FSTL5: variants seen among roughly 807,000 people sequenced by gnomAD.
FSTL5 encodes the protein follistatin like 5, also known as follistatin-related protein 5.
Under a neutral mutation model 89.1 loss-of-function variants are expected in FSTL5, and 62 were observed. The observed-to-expected ratio is 0.70, with a 90% CI of 0.57 to 0.86. The LOEUF (loss-of-function observed/expected upper bound fraction) is 0.86. FSTL5 is among the 40% of genes least tolerant of loss of function. The pLI is 0.00. For missense variants in FSTL5, 1,057 were observed against 1,001.6 expected, an observed-to-expected ratio of 1.06 and a Z score of -0.75; for synonymous variants, 383 against 346.2, an observed-to-expected ratio of 1.11 and a Z score of -1.18.
chr4:161,619,037 A>T (rs1382408463), intron 7 of FSTL5, among the ~76,000 whole-genome samples: 4 of 152,184 alleles, frequency 2.6e-5, no homozygotes, highest in Admixed American at 2.6e-4. Flanking sequence ...ATAACGCTGC[A>T]TATCTACAAC....
intron 4 of FSTL5, among the ~76,000 whole-genome samples, chr4:161,852,525 A>G (rs1731585981): frequency 6.6e-6 from 1 of 152,218 alleles, no homozygotes; most frequent in South Asian, 2.1e-4. Flanking sequence ...AGTGCAAATT[A>G]GTTCAACCAT....
intron 12 of FSTL5, among the ~76,000 whole-genome samples, chr4:161,493,408 G>A (rs1306630537): frequency 6.6e-6 from 1 of 151,242 alleles, no homozygotes; most frequent in African/African-American, 2.4e-5. Flanking sequence ...AGACATAGGG[G>A]GACATGAAGG....
At chr4:161,573,682 G>A (rs1432924877) in intron 8 of FSTL5, among the ~76,000 whole-genome samples, 1 of 125,870 alleles carries the variant, frequency 7.9e-6, no homozygotes, top group African/African-American at 3.0e-5. Flanking sequence ...GTGGTGAGCC[G>A]AGATTGCACC....
At chr4:162,059,161 T>G (rs1738644924) in intron 2 of FSTL5, among the ~76,000 whole-genome samples, 1 of 152,130 alleles carries the variant, frequency 6.6e-6, no homozygotes, top group Admixed American at 6.6e-5. Flanking sequence ...TCAAAATAAG[T>G]TTGAGATAAC....
chr4:161,827,473 A>G (rs1353317237), intron 4 of FSTL5, among the ~76,000 whole-genome samples: 1 of 152,134 alleles, frequency 6.6e-6, no homozygotes, highest in Non-Finnish European at 1.5e-5. Flanking sequence ...CAGATGTGGT[A>G]GCATAGGGAG....
intron 11 of FSTL5, among the ~76,000 whole-genome samples, chr4:161,500,855 G>T (rs551036072): frequency 6.6e-6 from 1 of 152,174 alleles, no homozygotes; most frequent in East Asian, 1.9e-4. Context: ...AATGGGTGCA[G>T]GAGGCTAGTT....
intron 1 of FSTL5, 104 bp from the exon 2 acceptor site, chr4:162,111,516 T>C: frequency 1.1e-6 from 1 of 877,564 alleles, no homozygotes; most frequent in Non-Finnish European, 1.7e-6. Context: ...ATTAATCTAA[T>C]CAAAACTTGC....
intron 4 of FSTL5, among the ~76,000 whole-genome samples, chr4:161,839,944 A>C: frequency 6.6e-6 from 1 of 152,204 alleles, no homozygotes; most frequent in African/African-American, 2.4e-5. Context: ...TAGAAAGAAA[A>C]GCATTGAGCA....
At chr4:161,705,949 T>A in intron 6 of FSTL5, among the ~76,000 whole-genome samples, 1 of 3,260 alleles carries the variant, frequency 3.1e-4, no homozygotes, top group East Asian at 0.02. Flanking sequence ...TGTGTAGATG[T>A]GTGTATATAT....
rs181393429 is a variant in FSTL5, at chr4:161,932,020, G to C, written c.161-11368C>G. Reference sequence around the variant, plus strand: ...TGATGGTAGAGAAGTAAGGTTACGGGACTATTTAGAGTAACGGTTCTAATT... The same window carrying C: ...TGATGGTAGAGAAGTAAGGTTACGGCACTATTTAGAGTAACGGTTCTAATT... On this transcript the variant is annotated intron_variant, in intron 3 of 15. Transcript: ENST00000306100. 2.0e-3 allele frequency among the ~76,000 whole-genome samples: 304 copies of C among 151,976 alleles called. 1 individual carries two copies. The highest frequency in any genetic ancestry group is 6.9e-3 in the African/African-American group (287 of 41,496).
At chr4:161,979,613 T>C (rs1735758242) in intron 3 of FSTL5, among the ~76,000 whole-genome samples, 1 of 152,278 alleles carries the variant, frequency 6.6e-6, no homozygotes, top group Non-Finnish European at 1.5e-5. Flanking sequence ...TCTTACACTA[T>C]ATTTCCATCA....
At chr4:162,035,260 T>A (rs1337140563) in intron 2 of FSTL5, 3 of 152,000 alleles carry the variant, frequency 2.0e-5, no homozygotes, top group Non-Finnish European at 2.9e-5. Flanking sequence ...CAGAAAAAAA[T>A]TGTGTCCTCA....
chr4:161,800,185 T>C (rs1401985129), intron 4 of FSTL5, among the ~76,000 whole-genome samples: 11 of 151,852 alleles, frequency 7.2e-5, no homozygotes, highest in Non-Finnish European at 1.5e-5. Context: ...AGGTGATCTC[T>C]TATTTTTCCA....
intron 15 of FSTL5, among the ~76,000 whole-genome samples, chr4:161,441,553 T>C (rs748724716): frequency 2.6e-5 from 4 of 152,076 alleles, no homozygotes; most frequent in Admixed American, 1.3e-4. Context: ...TTTCCTTCAA[T>C]ATACATGGCT....
chr4:161,830,700 A>G (rs1730817000), intron 4 of FSTL5, among the ~76,000 whole-genome samples: 1 of 152,002 alleles, frequency 6.6e-6, no homozygotes. Flanking sequence ...ATGCTTGTGA[A>G]AGTTATTCTA....
At chr4:162,025,748 T>C (rs1307226197) in intron 3 of FSTL5, among the ~76,000 whole-genome samples, 1 of 152,028 alleles carries the variant, frequency 6.6e-6, no homozygotes, top group African/African-American at 2.4e-5. Flanking sequence ...AGGGATATTA[T>C]TTATTTTTTG....
At chr4:161,404,631 C>CTA (rs1731294318) in intron 15 of FSTL5, among the ~76,000 whole-genome samples, 2 of 149,562 alleles carry the variant, frequency 1.3e-5, no homozygotes, top group South Asian at 4.2e-4. Flanking sequence ...TGGTCAAAAG[C>CTA]TAAAGAAACT....
chr4:161,677,226 C>A lies in FSTL5; in HGVS notation c.728-20732G>T, dbSNP rs189678527. ...TTGGTCATTTATAGCATTTAATTTGCATATATTTCCAAATAAAGAAAGAAT... is the reference window on the plus strand; with the variant it reads ...TTGGTCATTTATAGCATTTAATTTGAATATATTTCCAAATAAAGAAAGAAT... On this transcript the variant is annotated intron_variant, in intron 6 of 15. Transcript: ENST00000306100. 1.3e-3 allele frequency among the ~76,000 whole-genome samples: 201 copies of A among 151,458 alleles called. 7 individuals carry two copies. In the South Asian group the frequency reaches 0.038, roughly 29 times the overall value.
At chr4:161,478,694 T>C (rs1047944667) in intron 13 of FSTL5, among the ~76,000 whole-genome samples, 1 of 152,042 alleles carries the variant, frequency 6.6e-6, no homozygotes, top group African/African-American at 2.4e-5. Context: ...CTTGTTCAAA[T>C]ACACAGAGGC....
Sources: gnomAD v4.1 joint callset for allele counts (sites outside exome capture counted in the v4.1 genomes callset) on GRCh38, gnomAD v4.1.1 for gene constraint, MANE v1.5 for transcripts, NCBI Gene and HGNC (gene_info 2026-07-23, HGNC 2026-07-21) for gene names.